Variants in RNF128 observed in about 807,000 individuals in gnomAD.
The protein encoded by RNF128 is ring finger protein 128.
A neutral mutation model predicts 26.2 loss-of-function variants in RNF128; 13 were observed. That is an observed-to-expected ratio of 0.50 (90% CI 0.32 to 0.79). The LOEUF (loss-of-function observed/expected upper bound fraction) is 0.79, where lower values mean the gene tolerates loss of function less well. Among genes scored for constraint, RNF128 ranks in the 30% least tolerant of loss-of-function variants. The probability of loss-of-function intolerance (pLI) is 0.03; values close to 1 mark genes in which losing one functional copy is unlikely to be tolerated. For synonymous variants in RNF128, 149 were observed against 142.5 expected, an observed-to-expected ratio of 1.05 and a Z score of -0.32; for missense variants, 315 against 349.7, an observed-to-expected ratio of 0.90 and a Z score of 0.79.
At chrX:106,710,008 C>T (rs1461401718) in intron 1 of RNF128, among the ~76,000 whole-genome samples, 1 of 111,619 alleles carries the variant, frequency 9.0e-6, no homozygotes. Context: ...TTACCTTCAG[C>T]CAAACAAAAT....
At chrX:106,700,413 T>G in intron 1 of RNF128, among the ~76,000 whole-genome samples, 2 of 112,098 alleles carry the variant, frequency 1.8e-5, no homozygotes, top group Middle Eastern at 9.2e-3. Flanking sequence ...TGTTTGCCAT[T>G]GTATCCATTG....
chrX:106,753,993 A>G (rs1344628380), intron 1 of RNF128, among the ~76,000 whole-genome samples: 1 of 111,674 alleles, frequency 9.0e-6, no homozygotes, highest in Admixed American at 9.5e-5. Context: ...ACCCTGATAT[A>G]ATAATAGCTG....
intron 1 of RNF128, among the ~76,000 whole-genome samples, chrX:106,739,475 G>A (rs776446177): frequency 6.3e-5 from 7 of 111,657 alleles, no homozygotes; most frequent in African/African-American, 2.3e-4. Context: ...TTTTAACTGT[G>A]TCAAAGCTTT....
intron 1 of RNF128, among the ~76,000 whole-genome samples, chrX:106,721,346 C>A (rs1483769130): frequency 9.0e-6 from 1 of 111,503 alleles, no homozygotes; most frequent in East Asian, 2.8e-4. Flanking sequence ...TGGTGAGAAG[C>A]CAGATACAGT....
chrX:106,715,954 T>C (rs896343641), intron 1 of RNF128, among the ~76,000 whole-genome samples: 2 of 111,505 alleles, frequency 1.8e-5, no homozygotes, highest in Non-Finnish European at 3.8e-5. Context: ...AATATGTTAT[T>C]CAAGGTCAAC....
chrX:106,766,779 A>G (rs927801635), intron 1 of RNF128, among the ~76,000 whole-genome samples: 7 of 111,721 alleles, frequency 6.3e-5, no homozygotes, highest in African/African-American at 2.3e-4. Flanking sequence ...TTGGTCATGA[A>G]GTCCTTGCCC....
intron 2 of RNF128, among the ~76,000 whole-genome samples, chrX:106,780,370 G>GA (rs59124700): frequency 0.059 from 6,557 of 110,886 alleles, 511 homozygotes; most frequent in African/African-American, 0.2. Context: ...TCAGAATCAA[G>GA]AAAAAAAACC....
intron 1 of RNF128, among the ~76,000 whole-genome samples, chrX:106,711,414 A>T (rs1297919288): frequency 4.4e-5 from 5 of 112,571 alleles, no homozygotes; most frequent in Admixed American, 3.7e-4. Flanking sequence ...ATTTATTTGG[A>T]TCTCGACGGT....
upstream of RNF128, among the ~76,000 whole-genome samples, chrX:106,723,265 G>A (rs1456028142): frequency 1.8e-5 from 2 of 111,642 alleles, no homozygotes; most frequent in Non-Finnish European, 3.8e-5. Context: ...TATTGAGTCC[G>A]TACGCTTTAA....
chrX:106,754,453 G>T (rs371841631), intron 1 of RNF128, among the ~76,000 whole-genome samples: 10 of 76,900 alleles, frequency 1.3e-4, no homozygotes, highest in African/African-American at 5.0e-4. Context: ...TAGCGACAGG[G>T]TCTCACCATA....
chrX:106,748,755 G>T (rs576434545), intron 1 of RNF128, among the ~76,000 whole-genome samples: 1 of 111,138 alleles, frequency 9.0e-6, no homozygotes, highest in Admixed American at 9.6e-5. Context: ...GGTGGTTATC[G>T]GAGGCCAGGA....
At chrX:106,704,433 G>GAAAAA (rs55870405) in intron 1 of RNF128, among the ~76,000 whole-genome samples, 3 of 49,441 alleles carry the variant, frequency 6.1e-5, no homozygotes, top group African/African-American at 1.6e-4. Flanking sequence ...CTCTGTCTCA[G>GAAAAA]AAAAAAAAAA....
intron 6 of RNF128, among the ~76,000 whole-genome samples, chrX:106,792,424 A>T (rs1930844651): frequency 9.0e-6 from 1 of 110,929 alleles, no homozygotes; most frequent in Non-Finnish European, 1.9e-5. Context: ...TTTGAAAAGC[A>T]AATGAAATAA....
In RNF128 at chrX:106,694,200, G is replaced by C. The variant is rs771572334; in HGVS notation, c.198G>C (p.Val66=). The C allele has an allele frequency of 3.3e-6, 4 of 1,206,720 alleles. No homozygotes were observed. The Admixed American group carries it at 6.6e-5, about 20-fold the overall frequency. The change falls in exon 1 of 7, where the codon GTG becomes GTC. Residue 66 remains valine (V), a synonymous_variant. Transcript: ENST00000324342. ...CACCAGTGGCTAATGCTATGGGAGT[G>C]GTAGGCATCCCTAAGAACAATAACT...
chrX:106,734,236 T>C (rs1018850276), intron 1 of RNF128, among the ~76,000 whole-genome samples: 1 of 110,469 alleles, frequency 9.1e-6, no homozygotes, highest in Admixed American at 9.7e-5. Flanking sequence ...GGGTTGTGAA[T>C]TGGGGCATTT....
intron 1 of RNF128, among the ~76,000 whole-genome samples, chrX:106,695,279 A>C (rs1329210632): frequency 9.0e-6 from 1 of 111,363 alleles, no homozygotes; most frequent in Non-Finnish European, 1.9e-5. Flanking sequence ...ACAGTAAATG[A>C]ATACAAAATT....
At chrX:106,795,192 A>G (rs1057076209) in intron 6 of RNF128, among the ~76,000 whole-genome samples, 29 of 111,492 alleles carry the variant, frequency 2.6e-4, no homozygotes, top group African/African-American at 7.5e-4. Context: ...AAATCTGTCT[A>G]TCTATATTTA....
At chrX:106,774,170 T>C (rs774381789) in intron 2 of RNF128, among the ~76,000 whole-genome samples, 1 of 111,694 alleles carries the variant, frequency 9.0e-6, no homozygotes, top group East Asian at 2.8e-4. Context: ...GATAACCATA[T>C]GTGTTCCTTT....
intron 2 of RNF128, among the ~76,000 whole-genome samples, chrX:106,784,581 A>G (rs760449536): frequency 2.7e-5 from 3 of 112,034 alleles, no homozygotes; most frequent in African/African-American, 9.7e-5. Context: ...TAAGTAAACA[A>G]GCTCAAAGAA....
Sources: allele counts gnomAD v4.1 joint callset (sites outside exome capture counted in the v4.1 genomes callset), GRCh38; gene constraint gnomAD v4.1.1; transcripts MANE v1.5; gene names NCBI Gene and HGNC (gene_info 2026-07-23, HGNC 2026-07-21).